The following KIF3C variants were observed in gnomAD, a reference collection of about 807,000 sequenced individuals.
The protein encoded by KIF3C is kinesin-like protein KIF3C.
A neutral mutation model predicts 67.7 loss-of-function variants in KIF3C; 12 were observed. The observed-to-expected ratio is 0.18, with a 90% confidence interval of 0.11 to 0.29. The LOEUF is 0.29. Among genes scored for constraint, KIF3C ranks in the 10% least tolerant of loss-of-function variants. KIF3C has a pLI of 1.00. For missense variants in KIF3C, 789 were observed against 1,059.6 expected (o/e 0.74, Z 3.55); for synonymous variants, 393 against 426.2 (o/e 0.92, Z 0.96).
intron 5 of KIF3C, chr2:25,933,964 C>A: frequency 3.3e-6 from 1 of 304,936 alleles, no homozygotes. Context: ...TGGAAATTAC[C>A]GAAATGTCCA....
At position 25,981,654 on chromosome 2, in the gene KIF3C, A is replaced by T. The variant is rs1574501867; in HGVS notation, c.264T>A (p.Gly88=). ...CATAGGCAAACACCGTGCCATTGAA[A>T]CCCTGGAGCACGGAGTCTATCAGGG... ...VRPLIDSVLQ[G]FNGTVFAYGQ... The change falls in exon 1 of 8, where the codon GGT becomes GGA. Residue 88 remains glycine (G), a synonymous_variant. Coordinates refer to ENST00000264712, the MANE Select transcript of KIF3C (RefSeq NM_002254.8). This position sits in a 1 kb window ranked among gnomAD's most constrained non-coding sequence, Gnocchi z 8.2. The T allele has an allele frequency of 6.2e-7, 1 of 1,613,754 alleles. No homozygotes were observed.
intron 5 of KIF3C, among the ~76,000 whole-genome samples, chr2:25,941,289 G>GT (rs1293933672): frequency 6.6e-6 from 1 of 152,088 alleles, no homozygotes; most frequent in East Asian, 1.9e-4. Flanking sequence ...GGGCAACACA[G>GT]TGAGACCCTG....
rs115125457 is a variant in KIF3C, at chr2:25,970,216, A to C, written c.1545+10157T>G. 5.2e-4 allele frequency among the ~76,000 whole-genome samples: 79 copies of C among 152,278 alleles called. No homozygotes were observed. In the Middle Eastern group the frequency reaches 0.01, roughly 20 times the overall value. On this transcript the variant is annotated intron_variant, in intron 1 of 7. Coordinates refer to ENST00000264712, the MANE Select transcript of KIF3C (RefSeq NM_002254.8). ...TGGAGGTGAAGATCATGGGTTATGG[A>C]GTCAGGCAGACATGGGCTCGTAACT...
chr2:25,950,161 G>C (rs1663557616), intron 5 of KIF3C, among the ~76,000 whole-genome samples: 1 of 150,968 alleles, frequency 6.6e-6, no homozygotes, highest in African/African-American at 2.4e-5. Context: ...CAAAATGCTG[G>C]GATTACAGGA....
chr2:25,969,913 G>A (rs1409581258), intron 1 of KIF3C, among the ~76,000 whole-genome samples: 3 of 152,066 alleles, frequency 2.0e-5, no homozygotes, highest in African/African-American at 7.2e-5. Flanking sequence ...ACAGGGTTTC[G>A]CTATGTTGGC....
chr2:25,952,812 C>T (rs1200783210), intron 4 of KIF3C, among the ~76,000 whole-genome samples: 1 of 151,954 alleles, frequency 6.6e-6, no homozygotes, highest in Non-Finnish European at 1.5e-5. Context: ...CCTGCCTCAG[C>T]CTCCCAAAGT....
intron 1 of KIF3C, among the ~76,000 whole-genome samples, chr2:25,977,795 T>C (rs1664453850): frequency 6.6e-6 from 1 of 152,170 alleles, no homozygotes; most frequent in Admixed American, 6.5e-5. Context: ...CCTCAAATTG[T>C]TTCCACCAGC....
chr2:25,981,090 T>TCCACCGCCA lies in KIF3C; in HGVS notation c.819_827dup (p.Gly275_Gly277dup), dbSNP rs763031630. 15 of 1,613,940 alleles carry TCCACCGCCA rather than the reference T, an allele frequency of 9.3e-6. No homozygotes were observed. Among genetic ancestry groups the TCCACCGCCA allele is most frequent in the East Asian group, 4.5e-5 (2 of 44,886 alleles). On this transcript the variant is annotated inframe_insertion, in exon 1 of 8. Coordinates refer to ENST00000264712, the MANE Select transcript of KIF3C (RefSeq NM_002254.8). The surrounding 1 kb of genome is among the most constrained non-coding windows in gnomAD (Gnocchi z 8.2). The stretch of plus-strand genomic sequence containing the variant: ...CTCCACCAGCACCACCACCACTGCC[T>TCCACCGCCA]CCACCGCCACCACCGCCACCCGAGG...
rs766517516 is a variant in KIF3C, at chr2:25,956,308, A to C, written c.1647+35T>G. On this transcript the variant is annotated intron_variant, in intron 2 of 7. Coordinates refer to ENST00000264712, the MANE Select transcript of KIF3C (RefSeq NM_002254.8). The stretch of plus-strand genomic sequence containing the variant: ...CTCCCAGACATGAGCTGCAGGCCAC[A>C]CTCTCCAAGGGGACCTGGCACCTGG... 2.0e-6 allele frequency: 3 copies of C among 1,503,960 alleles called. No individual in the cohort carries two copies. In the African/African-American group the frequency reaches 4.1e-5, roughly 21 times the overall value. 93.2% of individuals were successfully genotyped at this position (1,503,960 alleles called of 1,614,324 possible).
chr2:25,981,324 C>A lies in KIF3C; in HGVS notation c.594G>T (p.Gly198=), dbSNP rs376851276. ...VKEIEHVMNL[G]NQTRAVGSTH... ...TGCTGCCCACAGCCCGGGTCTGGTTCCCCAGGTTCATCACATGCTCAATCT... is the reference window on the plus strand; with the variant it reads ...TGCTGCCCACAGCCCGGGTCTGGTTACCCAGGTTCATCACATGCTCAATCT... Residue 198 remains glycine, a synonymous_variant, in exon 1 of 8, where the codon GGG becomes GGT. Coordinates refer to ENST00000264712, the MANE Select transcript of KIF3C (RefSeq NM_002254.8). The surrounding 1 kb of genome is among the most constrained non-coding windows in gnomAD (Gnocchi z 8.2). 2.5e-6 allele frequency: 4 copies of A among 1,614,016 alleles called. No homozygotes were observed. The African/African-American group carries it at 5.3e-5, about 22-fold the overall frequency.
intron 5 of KIF3C, among the ~76,000 whole-genome samples, chr2:25,931,755 A>G (rs1198060201): frequency 6.6e-6 from 1 of 151,736 alleles, no homozygotes; most frequent in African/African-American, 2.4e-5. Flanking sequence ...CTTGTGCCTC[A>G]GCCTCCTGAG....
intron 4 of KIF3C, among the ~76,000 whole-genome samples, chr2:25,952,240 G>C (rs929999551): frequency 2.6e-5 from 4 of 152,124 alleles, no homozygotes; most frequent in Admixed American, 2.6e-4. Context: ...GGCAGAGCTT[G>C]CAGTAAGCTT....
At chr2:25,943,483 T>TA (rs1265224033) in intron 5 of KIF3C, among the ~76,000 whole-genome samples, 1 of 152,244 alleles carries the variant, frequency 6.6e-6, no homozygotes, top group Non-Finnish European at 1.5e-5. Context: ...GAATTGTTTT[T>TA]ACTTTATTCT....
chr2:25,982,005 C>T lies in KIF3C; in HGVS notation c.-88G>A. ...CTCGCTAGGTCGGGATCAGCGGGGC[C>T]GGCCCAGCCCCCAGGCGCAGCTCTT... On this transcript the variant is annotated 5_prime_UTR_variant, in exon 1 of 8. Coordinates refer to ENST00000264712, the MANE Select transcript of KIF3C (RefSeq NM_002254.8). The T allele has an allele frequency of 2.7e-6, 3 of 1,099,560 alleles. No individual in the cohort carries two copies. Among genetic ancestry groups the T allele is most frequent in the South Asian group, 1.6e-5 (1 of 62,408 alleles). The allele number at this position is 1,099,560 out of a possible 1,614,324, so 68.1% of individuals were successfully genotyped here. A position where few individuals can be genotyped will look rare whatever the true frequency, so the allele number is the denominator to read the frequency against.
rs1489011761 is a variant in KIF3C at position 25,926,814 on chromosome 2, C to CT, written c.*2163dup. Reference sequence around the variant, plus strand: ...TGTGTAGAGTGACAAGAATGGGCCACTGCATTGTTAATTGTTGTCCTAAAT... The same window carrying CT: ...TGTGTAGAGTGACAAGAATGGGCCACTTGCATTGTTAATTGTTGTCCTAAAT... On this transcript the variant is annotated 3_prime_UTR_variant, in exon 8 of 8. Transcript: ENST00000264712. The CT allele has an allele frequency of 6.6e-6, 1 of 152,138 alleles. No individual in the cohort carries two copies. The highest frequency in any genetic ancestry group is 1.5e-5 in the Non-Finnish European group (1 of 68,040). 9.4% of individuals were successfully genotyped at this position (152,138 alleles called of 1,614,324 possible).
chr2:25,935,734 T>C (rs1226059142), intron 5 of KIF3C, among the ~76,000 whole-genome samples: 1 of 152,098 alleles, frequency 6.6e-6, no homozygotes, highest in Non-Finnish European at 1.5e-5. Context: ...TAGGACCCAG[T>C]TACATTACTA....
At chr2:25,959,543 G>A (rs533797259) in intron 1 of KIF3C, among the ~76,000 whole-genome samples, 9 of 152,078 alleles carry the variant, frequency 5.9e-5, no homozygotes, top group East Asian at 1.9e-4. Context: ...ACGTTCAAGC[G>A]ATTCTCCTGC....
chr2:25,949,756 G>A (rs956751639), intron 5 of KIF3C, among the ~76,000 whole-genome samples: 19 of 151,908 alleles, frequency 1.3e-4, no homozygotes, highest in African/African-American at 3.1e-4. Context: ...GATCACTTGA[G>A]CTCAGGAGTT....
intron 5 of KIF3C, among the ~76,000 whole-genome samples, chr2:25,930,305 A>G (rs937676302): frequency 5.9e-5 from 9 of 152,190 alleles, no homozygotes; most frequent in Admixed American, 6.6e-5. Context: ...GTACAGTACA[A>G]TCAGATGTTT....
Sources: gnomAD v4.1 joint callset for allele counts (sites outside exome capture counted in the v4.1 genomes callset) on GRCh38, gnomAD v4.1.1 for gene constraint, Gnocchi (gnomAD v3.1) non-coding constraint, MANE v1.5 for transcripts, NCBI Gene and HGNC (gene_info 2026-07-23, HGNC 2026-07-21) for gene names.